Variants in KLHL42 observed in about 807,000 individuals in gnomAD.
KLHL42 encodes the protein kelch-like protein 42.
Under a neutral mutation model 32.7 loss-of-function variants are expected in KLHL42, and 27 were observed. The ratio of observed to expected loss-of-function variants is 0.83; its 90% CI spans 0.61 to 1.14. The LOEUF (loss-of-function observed/expected upper bound fraction) is 1.14, where lower values mean the gene tolerates loss of function less well. KLHL42 is among the 50% of genes most tolerant of loss of function. The pLI is 0.00. For missense variants in KLHL42, 491 were observed against 560.8 expected, an observed-to-expected ratio of 0.88 and a Z score of 1.26; for synonymous variants, 267 against 248.2, an observed-to-expected ratio of 1.08 and a Z score of -0.71.
chr12:27,791,644 C>A, intron 1 of KLHL42, 64 bp from the exon 2 acceptor site: 2 of 1,367,576 alleles, frequency 1.5e-6, no homozygotes, highest in South Asian at 1.2e-5. Flanking sequence ...GTAGTTCATG[C>A]CATTGTTACA....
chr12:27,786,399 A>G (rs2062172038), intron 1 of KLHL42, among the ~76,000 whole-genome samples: 1 of 152,178 alleles, frequency 6.6e-6, no homozygotes, highest in African/African-American at 2.4e-5. Context: ...TGCTGCCCTC[A>G]AGAAGTTTAA....
chr12:27,792,028 T>TA, intron 2 of KLHL42, 127 bp downstream of exon 2: 1 of 708,532 alleles, frequency 1.4e-6, no homozygotes, highest in Non-Finnish European at 2.4e-6. Context: ...AGTGTACACT[T>TA]ACACATCTGG....
chr12:27,797,460 G>A (rs2062224198), intron 2 of KLHL42: 2 of 544,354 alleles, frequency 3.7e-6, no homozygotes, highest in Admixed American at 5.6e-5. Flanking sequence ...GAAAGTCAGA[G>A]CTGCGCTTTT....
Position 27,784,376 on chromosome 12 carries a change from C to T in KLHL42, c.872+3174C>T, listed in dbSNP as rs137887304. 9.2e-4 allele frequency among the ~76,000 whole-genome samples: 140 copies of T among 151,584 alleles called. 1 individual carries two copies. Among genetic ancestry groups the T allele is most frequent in the African/African-American group, 3.3e-3 (135 of 41,282 alleles). ...CAGCATGGTCTCGATCTCCTGACCTCGTGATCCGCCCACCTAGGCTTCCCA... is the reference window on the plus strand; with the variant it reads ...CAGCATGGTCTCGATCTCCTGACCTTGTGATCCGCCCACCTAGGCTTCCCA... On this transcript the variant is annotated intron_variant, in intron 1 of 2. Transcript: ENST00000381271.
Position 27,800,336 on chromosome 12 carries a change from G to C in KLHL42, c.*2170G>C. On this transcript the variant is annotated 3_prime_UTR_variant, in exon 3 of 3. Transcript: ENST00000381271. ...TCTTTTATAAACCAGGTTTGAGGTT[G>C]TGTGTGTGTGTGGGGGTGTGTGTGT... 1.2e-6 allele frequency: 1 copy of C among 865,228 alleles called. No individual in the cohort carries two copies. The allele number at this position is 865,228 out of a possible 1,614,324, so 53.6% of individuals were successfully genotyped here.
At chr12:27,784,886 T>C (rs1050192836) in intron 1 of KLHL42, among the ~76,000 whole-genome samples, 2 of 152,268 alleles carry the variant, frequency 1.3e-5, no homozygotes, top group Non-Finnish European at 2.9e-5. Context: ...GTAAATGGTC[T>C]TTGCCAGTTT....
In KLHL42 at chr12:27,780,546, C is replaced by T. The variant is rs760444269; in HGVS notation, c.216C>T (p.Gly72=). 1 of 1,525,432 alleles carries T rather than the reference C, an allele frequency of 6.6e-7. No individual in the cohort carries two copies. The allele number at this position is 1,525,432 out of a possible 1,614,324, so 94.5% of individuals were successfully genotyped here. ...LRLVLDFINA[G]GAREGWLLGP... ...TGGTGCTGGACTTCATCAACGCCGG[C>T]GGGGCCCGCGAAGGCTGGCTCCTGG... Residue 72 remains glycine (G), a synonymous_variant, in exon 1 of 3, where the codon GGC becomes GGT. Coordinates refer to ENST00000381271, the MANE Select transcript of KLHL42 (RefSeq NM_020782.2). This position sits in a 1 kb window ranked among gnomAD's most constrained non-coding sequence, Gnocchi z 8.8.
In KLHL42 at chr12:27,791,881, T is replaced by C. The variant is rs763731499; in HGVS notation, c.1046T>C (p.Ile349Thr). The change falls in exon 2 of 3, where the codon ATT becomes ACT. Residue 349 changes from isoleucine (I) to threonine (T), a missense_variant. Ile to Thr is a moderately conservative substitution (Grantham distance 89, BLOSUM62 -1). Around this residue, in one of 4 missense-constraint regions of KLHL42, gnomAD observed 152 missense variants for 125.9 expected, o/e 1.21. Transcript: ENST00000381271. Reference protein sequence around the residue: ...ACECKGKIYVIGGYTTRDRNM... With the variant: ...ACECKGKIYVTGGYTTRDRNM... ...GAGTGTAAGGGAAAAATTTATGTCA[T>C]TGGAGGATACACTACCAGAGGTAAG... 36 of 1,613,932 alleles carry C rather than the reference T, an allele frequency of 2.2e-5. No homozygotes were observed. Among genetic ancestry groups the C allele is most frequent in the Non-Finnish European group, 2.6e-5 (31 of 1,180,004 alleles).
At position 27,797,780 on chromosome 12, in the gene KLHL42, G is replaced by A. The variant is rs2062225865; in HGVS notation, c.1132G>A (p.Asp378Asn). The A allele has an allele frequency of 4.0e-6, 3 of 751,760 alleles. No individual in the cohort carries two copies. 46.6% of individuals were successfully genotyped at this position (751,760 alleles called of 1,614,324 possible). ...SDMWTLFETC[D>N]VHIRKQQMVS... is the part of the protein sequence containing the mutation. ...CATGTGGACGCTCTTTGAAACATGT[G>A]ACGTCCACATTCGCAAGCAGCAGAT... Residue 378 changes from aspartate to asparagine, a missense_variant, in exon 3 of 3, where the codon GAC (aspartate) becomes AAC (asparagine). Transcript: ENST00000381271.
In KLHL42 at chr12:27,800,660, A is replaced by G. The variant is rs2062242834; in HGVS notation, c.*2494A>G. 1 of 152,116 alleles carries G rather than the reference A, an allele frequency of 6.6e-6. No homozygotes were observed. The highest frequency in any genetic ancestry group is 2.4e-5 in the African/African-American group (1 of 41,056). 9.4% of individuals were successfully genotyped at this position (152,116 alleles called of 1,614,324 possible). On this transcript the variant is annotated 3_prime_UTR_variant, in exon 3 of 3. Transcript: ENST00000381271. ...CAGGCGGAGGTTGCAGTGAGCCGAG[A>G]TTGTGCCATTGCACTCCAGCCTGGG...
rs181579100 is a variant in KLHL42, at chr12:27,790,539, A to G, written c.873-1169A>G. Among the ~76,000 whole-genome samples, 20 of 152,346 alleles carry G rather than the reference A, an allele frequency of 1.3e-4. 1 individual carries two copies. The highest frequency in any genetic ancestry group is 1.2e-3 in the Admixed American group (19 of 15,306). On this transcript the variant is annotated intron_variant, in intron 1 of 2. Coordinates refer to ENST00000381271, the MANE Select transcript of KLHL42 (RefSeq NM_020782.2). ...CCTGCCTTTTGTGTGCTATATCGAAACAAATTAATTTTGTGTTACTATTCA... is the reference window on the plus strand; with the variant it reads ...CCTGCCTTTTGTGTGCTATATCGAAGCAAATTAATTTTGTGTTACTATTCA...
intron 1 of KLHL42, among the ~76,000 whole-genome samples, chr12:27,783,616 C>T (rs2062157934): frequency 6.6e-6 from 1 of 152,224 alleles, no homozygotes; most frequent in East Asian, 1.9e-4. Context: ...GAGTCTCGCT[C>T]TGTCGCCCAG....
chr12:27,781,663 G>A (rs561650616), intron 1 of KLHL42, among the ~76,000 whole-genome samples: 33 of 152,268 alleles, frequency 2.2e-4, no homozygotes, highest in Admixed American at 1.9e-3. Context: ...CTTCCACACT[G>A]TGATACCCAT....
chr12:27,796,375 C>T lies in KLHL42; in HGVS notation c.1067-1340C>T, dbSNP rs550900829. On this transcript the variant is annotated intron_variant, in intron 2 of 2. Transcript: ENST00000381271. ...CCTGCAGCCGTCAAAATGCTGTAGG[C>T]TTTAGTCGTCTGCCAGTTCCCAAGC... Among the ~76,000 whole-genome samples the T allele has an allele frequency of 4.4e-4, 67 of 152,298 alleles. 1 individual carries two copies. The highest frequency in any genetic ancestry group is 1.5e-3 in the African/African-American group (62 of 41,564).
rs1426237807 is a variant in KLHL42, at chr12:27,802,979, G to A, written c.*4813G>A. 6.6e-6 allele frequency: 1 copy of A among 152,156 alleles called. No individual in the cohort carries two copies. Among genetic ancestry groups the A allele is most frequent in the Non-Finnish European group, 1.5e-5 (1 of 68,030 alleles). 9.4% of individuals were successfully genotyped at this position (152,156 alleles called of 1,614,324 possible). On this transcript the variant is annotated 3_prime_UTR_variant, in exon 3 of 3. Transcript: ENST00000381271. ...TGCCTATGAAATACCCACTATAACA[G>A]CATTCCTTTTGTGTTTAGAACTATA...
chr12:27,792,763 T>C (rs2062203012), intron 2 of KLHL42, among the ~76,000 whole-genome samples: 1 of 152,204 alleles, frequency 6.6e-6, no homozygotes, highest in Admixed American at 6.5e-5. Flanking sequence ...CCTCAGGTGA[T>C]CCACCTGCCT....
Position 27,793,821 on chromosome 12 carries a change from A to G in KLHL42, c.1066+1920A>G, listed in dbSNP as rs1372207081. 2.0e-5 allele frequency among the ~76,000 whole-genome samples: 3 copies of G among 152,202 alleles called. No individual in the cohort carries two copies. The East Asian group carries it at 5.8e-4, about 29-fold the overall frequency. ...TTTATTTGACATGGTGAAATAAACT[A>G]CCACTCCTTTGTGGTACCATATGGG... On this transcript the variant is annotated intron_variant, in intron 2 of 2. Coordinates refer to ENST00000381271, the MANE Select transcript of KLHL42 (RefSeq NM_020782.2).
intron 1 of KLHL42, among the ~76,000 whole-genome samples, chr12:27,787,225 C>T (rs4244857): frequency 0.57 from 86,362 of 151,714 alleles, 29,201 homozygotes; most frequent in Non-Finnish European, 0.77. Flanking sequence ...CTAGGCACGG[C>T]GGCTCACACC....
At chr12:27,782,245 GTCC>G (rs1447549104) in intron 1 of KLHL42, among the ~76,000 whole-genome samples, 1 of 152,114 alleles carries the variant, frequency 6.6e-6, no homozygotes, top group African/African-American at 2.4e-5. Context: ...TGACTCGAGG[GTCC>G]TCCTCGGCCA....
Sources: allele counts gnomAD v4.1 joint callset (sites outside exome capture counted in the v4.1 genomes callset), GRCh38; gene constraint gnomAD v4.1.1; regional missense constraint gnomAD v4.1.1; non-coding constraint Gnocchi (gnomAD v3.1); transcripts MANE v1.5; gene names NCBI Gene and HGNC (gene_info 2026-07-23, HGNC 2026-07-21).